The following ANK3 variants were observed in gnomAD, a reference collection of about 807,000 sequenced individuals.
The protein encoded by ANK3 is ankyrin 3, also known as ankyrin-3.
A neutral mutation model predicts 370.9 loss-of-function variants in ANK3; 57 were observed. That is an observed-to-expected ratio of 0.15 (90% CI 0.12 to 0.19). The LOEUF (loss-of-function observed/expected upper bound fraction) is 0.19. ANK3 is among the 10% of genes least tolerant of loss of function. The pLI is 1.00. For missense variants in ANK3, 4,439 were observed against 5,302.1 expected (o/e 0.84, Z 5.06); for synonymous variants, 1,929 against 1,946.3 (o/e 0.99, Z 0.23).
chr10:60,342,233 A>T (rs909771111), intron 1 of ANK3, among the ~76,000 whole-genome samples: 7 of 152,192 alleles, frequency 4.6e-5, no homozygotes, highest in African/African-American at 1.7e-4. Context: ...ATTCCAAAAA[A>T]GTCCTTTCCA....
At chr10:60,474,346 T>C (rs2075001149) in intron 2 of ANK3, among the ~76,000 whole-genome samples, 1 of 152,120 alleles carries the variant, frequency 6.6e-6, no homozygotes, top group Admixed American at 6.6e-5. Context: ...TAGAGATCTT[T>C]ATGGGATTCT....
At chr10:60,124,593 G>T (rs2093662585) in intron 25 of ANK3, among the ~76,000 whole-genome samples, 1 of 152,214 alleles carries the variant, frequency 6.6e-6, no homozygotes, top group Admixed American at 6.5e-5. Context: ...AGAAGTCAGA[G>T]CTGCCTGCTG....
At chr10:60,331,346 T>C (rs1443854568) in intron 1 of ANK3, among the ~76,000 whole-genome samples, 5 of 151,818 alleles carry the variant, frequency 3.3e-5, no homozygotes, top group African/African-American at 4.8e-5. Context: ...ATAAACAAGA[T>C]CTGGAATTAT....
rs1448353492 is a variant in ANK3, at chr10:60,073,447, A to G, written c.7434T>C (p.Ser2478=). 3 of 1,613,896 alleles carry G rather than the reference A, an allele frequency of 1.9e-6. No homozygotes were observed. The highest frequency in any genetic ancestry group is 2.7e-5 in the African/African-American group (2 of 74,928). Residue 2478 remains serine, a synonymous_variant, in exon 37 of 44, where the codon TCT becomes TCC. Transcript: ENST00000280772. ...LLSEKLDVSH[S]DTEESVTDHA... Reference sequence around the variant, plus strand: ...GGTCTGTAACCGATTCCTCAGTATCAGAATGAGACACATCTAGCTTTTCTG... The same window carrying G: ...GGTCTGTAACCGATTCCTCAGTATCGGAATGAGACACATCTAGCTTTTCTG...
chr10:60,377,689 T>C (rs897149946), intron 1 of ANK3, among the ~76,000 whole-genome samples: 10 of 152,196 alleles, frequency 6.6e-5, no homozygotes, highest in Admixed American at 3.9e-4. Context: ...ATGAATCTTA[T>C]ATGACTGGTG....
chr10:60,432,285 G>C (rs1417751240), intron 2 of ANK3, among the ~76,000 whole-genome samples: 3 of 152,044 alleles, frequency 2.0e-5, no homozygotes, highest in Non-Finnish European at 2.9e-5. Flanking sequence ...CCTTTTGTTT[G>C]CTTTATATGA....
At chr10:60,113,479 C>T (rs966903106) in intron 26 of ANK3, among the ~76,000 whole-genome samples, 9 of 152,204 alleles carry the variant, frequency 5.9e-5, no homozygotes, top group Admixed American at 3.3e-4. Flanking sequence ...GAGGCAAAGG[C>T]GGGCAGATTG....
intron 2 of ANK3, among the ~76,000 whole-genome samples, chr10:60,583,782 C>T (rs947209666): frequency 5.9e-4 from 90 of 152,172 alleles, no homozygotes; most frequent in African/African-American, 2.1e-3. Context: ...GACAGGGTTT[C>T]ACTATGTTGG....
intron 2 of ANK3, among the ~76,000 whole-genome samples, chr10:60,409,967 C>G (rs1028596301): frequency 2.0e-5 from 3 of 152,180 alleles, no homozygotes; most frequent in African/African-American, 7.2e-5. Context: ...GCTCATCTCA[C>G]TCCATAGGTG....
In ANK3 at chr10:60,321,976, C is replaced by T. The variant is rs72822279; in HGVS notation, c.115-42337G>A. Among the ~76,000 whole-genome samples the T allele has an allele frequency of 3.8e-3, 576 of 152,106 alleles. 8 individuals carry two copies. The highest frequency in any genetic ancestry group is 6.6e-3 in the Non-Finnish European group (449 of 67,994). On this transcript the variant is annotated intron_variant, in intron 1 of 43. Coordinates refer to ENST00000280772, the MANE Select transcript of ANK3 (RefSeq NM_020987.5). ...CAGAATCCATTACTAAAAATGATTC[C>T]CTAGTTTTTGGACCTCCCTACTTTT...
intron 1 of ANK3, among the ~76,000 whole-genome samples, chr10:60,365,775 C>T (rs1211438103): frequency 2.6e-5 from 4 of 151,958 alleles, no homozygotes; most frequent in Non-Finnish European, 5.9e-5. Flanking sequence ...ATTAACAAGC[C>T]CAAGGCCACA....
At chr10:60,694,275 G>T (rs2079407075) in intron 1 of ANK3, among the ~76,000 whole-genome samples, 1 of 152,172 alleles carries the variant, frequency 6.6e-6, no homozygotes, top group Admixed American at 6.5e-5. Flanking sequence ...ACATCTGATT[G>T]GTGTACCTGA....
At chr10:60,534,275 G>A (rs1362198538) in intron 2 of ANK3, among the ~76,000 whole-genome samples, 1 of 152,026 alleles carries the variant, frequency 6.6e-6, no homozygotes, top group South Asian at 2.1e-4. Flanking sequence ...GTCCTGAGTG[G>A]GTGGCTAGGT....
At chr10:60,674,089 T>C (rs903478794) in intron 1 of ANK3, among the ~76,000 whole-genome samples, 7 of 152,156 alleles carry the variant, frequency 4.6e-5, no homozygotes, top group African/African-American at 1.7e-4. Flanking sequence ...ATACATCCAT[T>C]CTCAGAGTAT....
At chr10:60,305,934 C>A (rs968876172) in intron 1 of ANK3, among the ~76,000 whole-genome samples, 1 of 152,172 alleles carries the variant, frequency 6.6e-6, no homozygotes, top group African/African-American at 2.4e-5. Flanking sequence ...TTTTCCATCT[C>A]ATTTGATGAC....
At chr10:60,651,851 A>G (rs2078793094) in intron 1 of ANK3, among the ~76,000 whole-genome samples, 1 of 151,900 alleles carries the variant, frequency 6.6e-6, no homozygotes. Context: ...CCTCCCTTCC[A>G]CTCTAGGCAC....
chr10:60,433,473 T>C (rs1316063454), intron 2 of ANK3, among the ~76,000 whole-genome samples: 1 of 152,016 alleles, frequency 6.6e-6, no homozygotes, highest in Non-Finnish European at 1.5e-5. Context: ...ACAACTATAA[T>C]CACAGCCATG....
chr10:60,069,859 A>C lies in ANK3; in HGVS notation c.11022T>G (p.Asn3674Lys). The C allele has an allele frequency of 6.2e-7, 1 of 1,613,950 alleles. No homozygotes were observed. The change falls in exon 37 of 44, where the codon AAT becomes AAG. Residue 3674 changes from asparagine (N) to lysine (K), a missense_variant. Around this residue, in one of 13 missense-constraint regions of ANK3, gnomAD observed 496 missense variants for 529.3 expected, o/e 0.94. Coordinates refer to ENST00000280772, the MANE Select transcript of ANK3 (RefSeq NM_020987.5). Reference protein sequence around the residue: ...DTTVETNLERNVETPTVEPNP... With the variant: ...DTTVETNLERKVETPTVEPNP... ...TAGGTTCCACTGTAGGTGTCTCTAC[A>C]TTTCTCTCTAGATTGGTTTCTACAG...
chr10:60,167,874 C>A lies in ANK3; in HGVS notation c.2479-978G>T, dbSNP rs78300643. On this transcript the variant is annotated intron_variant, in intron 21 of 43. Transcript: ENST00000280772. ...GTTGAAATCAACCATTATTTGATGTCTTTTCCAGCATGTAATACTGCAATG... is the reference window on the plus strand; with the variant it reads ...GTTGAAATCAACCATTATTTGATGTATTTTCCAGCATGTAATACTGCAATG... Among the ~76,000 whole-genome samples, 6 of 152,084 alleles carry A rather than the reference C, an allele frequency of 3.9e-5. 1 individual carries two copies. The East Asian group carries it at 1.2e-3, about 29-fold the overall frequency.
Sources: gnomAD v4.1 joint callset for allele counts (sites outside exome capture counted in the v4.1 genomes callset) on GRCh38, gnomAD v4.1.1 for gene constraint, gnomAD v4.1.1 regional missense constraint, MANE v1.5 for transcripts, NCBI Gene and HGNC (gene_info 2026-07-23, HGNC 2026-07-21) for gene names.